RTN4RL1: variants seen among roughly 807,000 people sequenced by gnomAD.
RTN4RL1 encodes the protein reticulon-4 receptor-like 1.
In RTN4RL1, 7 loss-of-function variants were observed where a neutral mutation model predicts 25.6. That is an observed-to-expected ratio of 0.27 (90% CI 0.16 to 0.51). RTN4RL1 has a LOEUF of 0.51. Ranked by LOEUF, RTN4RL1 falls within the 20% of genes least tolerant of loss-of-function variation. RTN4RL1 has a pLI of 0.97. For synonymous variants in RTN4RL1, 297 were observed against 288.2 expected (o/e 1.03, Z -0.31); for missense variants, 500 against 615.6 (o/e 0.81, Z 1.99).
intron 1 of RTN4RL1, among the ~76,000 whole-genome samples, chr17:1,988,441 A>T (rs1178891600): frequency 2.0e-5 from 3 of 147,668 alleles, no homozygotes; most frequent in African/African-American, 7.4e-5. Flanking sequence ...AGAAGGAGCC[A>T]CGAATATGTT....
intron 1 of RTN4RL1, among the ~76,000 whole-genome samples, chr17:1,983,048 CTTCTTT>C (rs1180648230): frequency 6.6e-6 from 1 of 151,362 alleles, no homozygotes; most frequent in Non-Finnish European, 1.5e-5. Flanking sequence ...TCTTCTTCTT[CTTCTTT>C]TTTTTTTTTT....
At chr17:1,966,300 TA>T (rs534004456) in intron 1 of RTN4RL1, among the ~76,000 whole-genome samples, 8 of 152,210 alleles carry the variant, frequency 5.3e-5, no homozygotes, top group Non-Finnish European at 1.0e-4. Flanking sequence ...GTTGAGCTGT[TA>T]CCTGGGGAGG....
At chr17:2,007,944 TCAAAAAAAACC>T (rs1245732085) in intron 1 of RTN4RL1, among the ~76,000 whole-genome samples, 1 of 143,386 alleles carries the variant, frequency 7.0e-6, no homozygotes. Context: ...AGACTCCGTC[TCAAAAAAAACC>T]CAAAAAAATA....
intron 1 of RTN4RL1, among the ~76,000 whole-genome samples, chr17:1,977,634 C>T (rs1361366813): frequency 6.6e-6 from 1 of 152,052 alleles, no homozygotes; most frequent in Non-Finnish European, 1.5e-5. Flanking sequence ...GGGAGGGGAG[C>T]GGTAAGTGGG....
At chr17:2,006,089 C>G (rs965417239) in intron 1 of RTN4RL1, among the ~76,000 whole-genome samples, 14 of 127,366 alleles carry the variant, frequency 1.1e-4, no homozygotes, top group Non-Finnish European at 2.2e-4. Context: ...GAGCCACCAC[C>G]CCGGCCTCTT....
intron 1 of RTN4RL1, among the ~76,000 whole-genome samples, chr17:1,988,074 C>A (rs1261388509): frequency 3.3e-5 from 5 of 151,074 alleles, no homozygotes; most frequent in African/African-American, 1.2e-4. Flanking sequence ...CCATTGCACT[C>A]CAGCCTAGGA....
rs1453170315 is a variant in RTN4RL1 at position 1,935,839 on chromosome 17, T to C, written c.*657A>G. On this transcript the variant is annotated 3_prime_UTR_variant, in exon 2 of 2. Transcript: ENST00000331238. ...AACCTCATTGCCCGGGATGAAGTTC[T>C]AGATTTCAGCCTCTGATGATCTTTC... 2.0e-6 allele frequency: 2 copies of C among 984,910 alleles called. No individual in the cohort carries two copies. The highest frequency in any genetic ancestry group is 2.3e-4 in the East Asian group (2 of 8,772). The allele number at this position is 984,910 out of a possible 1,614,324, so 61.0% of individuals were successfully genotyped here.
chr17:2,005,362 A>G (rs1309419329), intron 1 of RTN4RL1, among the ~76,000 whole-genome samples: 1 of 152,180 alleles, frequency 6.6e-6, no homozygotes, highest in South Asian at 2.1e-4. Context: ...AAAGATAGGC[A>G]CTGTTATTAG....
intron 1 of RTN4RL1, among the ~76,000 whole-genome samples, chr17:1,952,934 G>C (rs1237099819): frequency 6.6e-6 from 1 of 151,626 alleles, no homozygotes; most frequent in Non-Finnish European, 1.5e-5. Flanking sequence ...AAAATTAGTC[G>C]GGTGTGGTGG....
rs145791160 is a variant in RTN4RL1, at chr17:1,980,419, C to T, written c.14-42611G>A. On this transcript the variant is annotated intron_variant, in intron 1 of 1. Transcript: ENST00000331238. ...AATTCCAATTCCATAGGATCCCAGG[C>T]AGCTTTTGACACTAATGTTTCCATG... is the stretch of plus-strand genomic sequence containing the variant. 2.9e-3 allele frequency among the ~76,000 whole-genome samples: 437 copies of T among 152,102 alleles called. 4 individuals are homozygous for T. Among genetic ancestry groups the T allele is most frequent in the Middle Eastern group, 0.01 (3 of 294 alleles).
At chr17:2,013,057 G>T (rs2067070021) in intron 1 of RTN4RL1, among the ~76,000 whole-genome samples, 1 of 152,184 alleles carries the variant, frequency 6.6e-6, no homozygotes, top group African/African-American at 2.4e-5. Context: ...GCCTCCCAAA[G>T]TGCTGGGATT....
At chr17:1,942,161 C>T (rs1418267433) in intron 1 of RTN4RL1, among the ~76,000 whole-genome samples, 1 of 152,150 alleles carries the variant, frequency 6.6e-6, no homozygotes, top group Non-Finnish European at 1.5e-5. Context: ...CAAGCTTTCC[C>T]TGGGGGAGTC....
intron 1 of RTN4RL1, among the ~76,000 whole-genome samples, chr17:1,946,982 T>C (rs1915568314): frequency 6.9e-6 from 1 of 144,258 alleles, no homozygotes; most frequent in African/African-American, 2.6e-5. Context: ...TGTGAATGTG[T>C]GTGCATGGGG....
chr17:1,936,702 C>T lies in RTN4RL1; in HGVS notation c.1120G>A (p.Ala374Thr), dbSNP rs780165972. Reference protein sequence around the residue: ...QISKAGAGKQAPELPDYAPDY... With the variant: ...QISKAGAGKQTPELPDYAPDY... ...GGGGCATAGTCTGGCAGCTCGGGGG[C>T]CTGTTTCCCGGCGCCCGCCTTAGAG... The change falls in exon 2 of 2, where the codon GCC becomes ACC. Residue 374 changes from alanine (A) to threonine (T), a missense_variant. By Grantham distance (58) the Ala-to-Thr change is moderately conservative. Coordinates refer to ENST00000331238, the MANE Select transcript of RTN4RL1 (RefSeq NM_178568.4). 2 of 1,583,038 alleles carry T rather than the reference C, an allele frequency of 1.3e-6. No homozygotes were observed. Among genetic ancestry groups the T allele is most frequent in the Non-Finnish European group, 1.7e-6 (2 of 1,167,086 alleles).
chr17:1,984,635 A>G (rs1470752597), intron 1 of RTN4RL1, among the ~76,000 whole-genome samples: 2 of 152,126 alleles, frequency 1.3e-5, no homozygotes, highest in Admixed American at 6.5e-5. Context: ...TGCGACTTTC[A>G]TCTTCTGCAG....
Position 2,014,154 on chromosome 17 carries a change from G to A in RTN4RL1, c.13+10699C>T, listed in dbSNP as rs558677274. Among the ~76,000 whole-genome samples, 4 of 152,272 alleles carry A rather than the reference G, an allele frequency of 2.6e-5. No individual in the cohort carries two copies. The East Asian group carries it at 7.7e-4, about 29-fold the overall frequency. On this transcript the variant is annotated intron_variant, in intron 1 of 1. Coordinates refer to ENST00000331238, the MANE Select transcript of RTN4RL1 (RefSeq NM_178568.4). ...CCAGTGCCCATGGGGACTCACCCTTGGCCAACCCAGCTGGAAGTGGGAGGG... is the reference window on the plus strand; with the variant it reads ...CCAGTGCCCATGGGGACTCACCCTTAGCCAACCCAGCTGGAAGTGGGAGGG...
intron 1 of RTN4RL1, among the ~76,000 whole-genome samples, chr17:1,962,457 AAGTG>A (rs72476853): frequency 0.25 from 38,559 of 151,428 alleles, 5,643 homozygotes; most frequent in Non-Finnish European, 0.34. Context: ...TCCCGGGTTC[AAGTG>A]ATTCTCCCTG....
chr17:1,939,273 A>G (rs555986898), intron 1 of RTN4RL1, among the ~76,000 whole-genome samples: 127 of 152,072 alleles, frequency 8.4e-4, no homozygotes, highest in Non-Finnish European at 1.5e-3. Context: ...GAATAGCGTG[A>G]ACCCGGGAGG....
At chr17:2,019,601 C>G (rs2067173779) in intron 1 of RTN4RL1, 2 of 152,314 alleles carry the variant, frequency 1.3e-5, no homozygotes, top group African/African-American at 4.8e-5. Flanking sequence ...GAGACTTCTT[C>G]TCAAACTCGG....
Sources: allele counts gnomAD v4.1 joint callset (sites outside exome capture counted in the v4.1 genomes callset), GRCh38; gene constraint gnomAD v4.1.1; transcripts MANE v1.5; gene names NCBI Gene and HGNC (gene_info 2026-07-23, HGNC 2026-07-21).